OVCH1: variants seen among roughly 807,000 people sequenced by gnomAD.
The protein encoded by OVCH1 is ovochymase-1.
OVCH1 carries 139 observed loss-of-function variants against 138.4 expected under a neutral mutation model. The ratio of observed to expected loss-of-function variants is 1.00; its 90% CI spans 0.87 to 1.16. The LOEUF (loss-of-function observed/expected upper bound fraction) is 1.16. Ranked by LOEUF, OVCH1 falls within the 50% of genes most tolerant of loss-of-function variation. The pLI is 0.00. For missense variants in OVCH1, 1,367 were observed against 1,357.9 expected, an observed-to-expected ratio of 1.01 and a Z score of -0.11; for synonymous variants, 453 against 467.8, an observed-to-expected ratio of 0.97 and a Z score of 0.41.
chr12:29,433,052 T>TA (rs1021410897), intron 27 of OVCH1, among the ~76,000 whole-genome samples: 88 of 152,092 alleles, frequency 5.8e-4, no homozygotes, highest in Non-Finnish European at 7.7e-4. Context: ...GGAGTCTTGC[T>TA]AAAAAAAAGA....
At position 29,487,575 on chromosome 12, in the gene OVCH1, G is replaced by T. The variant is rs796256887; in HGVS notation, c.892+118C>A. On this transcript the variant is annotated intron_variant, in intron 7 of 27. Transcript: ENST00000318184. ...GAGACAAGTATCTACACTGGACTAA[G>T]AATTTAAAACCAGCCTCATTCTTGC... The T allele has an allele frequency of 9.8e-5, 101 of 1,029,924 alleles. No individual in the cohort carries two copies. In the African/African-American group the frequency reaches 1.5e-3, roughly 15 times the overall value. The allele number at this position is 1,029,924 out of a possible 1,614,324, so 63.8% of individuals were successfully genotyped here. A position where few individuals can be genotyped will look rare whatever the true frequency, so the allele number is the denominator to read the frequency against.
chr12:29,494,070 T>C (rs1943346562), intron 4 of OVCH1, among the ~76,000 whole-genome samples: 1 of 152,206 alleles, frequency 6.6e-6, no homozygotes. Flanking sequence ...GGCTCATGAT[T>C]ACAGATTCTT....
intron 25 of OVCH1, among the ~76,000 whole-genome samples, chr12:29,442,959 TTTAAA>T (rs767482772): frequency 2.6e-5 from 4 of 152,056 alleles, no homozygotes; most frequent in South Asian, 2.1e-4. Context: ...AAATAATGAG[TTTAAA>T]TTAAAGTAAC....
intron 3 of OVCH1, among the ~76,000 whole-genome samples, chr12:29,419,411 C>T (rs1447938895): frequency 6.6e-6 from 1 of 151,604 alleles, no homozygotes. Flanking sequence ...CCTCAGCCTC[C>T]CGAGTAGCTG....
chr12:29,486,308 C>A (rs755776403), exon 8 of OVCH1: 2 of 1,613,678 alleles, frequency 1.2e-6, no homozygotes, highest in Non-Finnish European at 1.7e-6. Flanking sequence ...TTGTTATATA[C>A]CTTGAGCCCA....
intron 2 of OVCH1, 128 bp downstream of exon 2, chr12:29,496,428 A>G (rs1207254581): frequency 8.8e-7 from 1 of 1,135,736 alleles, no homozygotes; most frequent in African/African-American, 1.6e-5. Context: ...CTACGAAGTA[A>G]ACTTTTTGGT....
chr12:29,493,381 A>G (rs1182642355), intron 4 of OVCH1, among the ~76,000 whole-genome samples: 3 of 152,064 alleles, frequency 2.0e-5, no homozygotes, highest in African/African-American at 7.2e-5. Flanking sequence ...ATATATAATT[A>G]TTTTTTGTAT....
chr12:29,461,242 C>T (rs544253240), intron 19 of OVCH1, among the ~76,000 whole-genome samples: 24 of 152,258 alleles, frequency 1.6e-4, no homozygotes, highest in African/African-American at 4.6e-4. Flanking sequence ...GGTAGGCACA[C>T]GGAGTGTTAG....
exon 19 of OVCH1, chr12:29,461,901 T>C (rs1439677871): frequency 6.2e-7 from 1 of 1,613,722 alleles, no homozygotes; most frequent in Non-Finnish European, 8.5e-7. Flanking sequence ...GCACAGATCA[T>C]CTTCTCTGTG....
At chr12:29,406,540 G>C in the OVCH1 span, among the ~76,000 whole-genome samples, 9 of 151,966 alleles carry the variant, frequency 5.9e-5, no homozygotes, top group Non-Finnish European at 8.8e-5. Flanking sequence ...CCACCTATGA[G>C]TGAGAATATA....
chr12:29,458,554 A>C (rs1371407037), intron 19 of OVCH1, among the ~76,000 whole-genome samples: 4 of 152,158 alleles, frequency 2.6e-5, no homozygotes, highest in Admixed American at 2.0e-4. Flanking sequence ...AAAAAACAAC[A>C]TTGAGGAAAC....
intron 26 of OVCH1, chr12:29,433,890 A>G (rs772760949): frequency 3.6e-4 from 444 of 1,240,634 alleles, no homozygotes; most frequent in Admixed American, 8.1e-4. Context: ...AAAAAAAAGA[A>G]ACAAAAGGTA....
At chr12:29,462,179 T>C (rs1942159849) in intron 18 of OVCH1, among the ~76,000 whole-genome samples, 171 bp from the exon 19 acceptor site, 1 of 152,230 alleles carries the variant, frequency 6.6e-6, no homozygotes, top group African/African-American at 2.4e-5. Context: ...TCATGTAACA[T>C]GTCTTCATTT....
At chr12:29,436,699 G>T (rs1197412655) in intron 26 of OVCH1, among the ~76,000 whole-genome samples, 1 of 145,112 alleles carries the variant, frequency 6.9e-6, no homozygotes, top group Non-Finnish European at 1.5e-5. Context: ...TGAAGCCGCA[G>T]ACCTTCACAG....
chr12:29,485,662 G>C (rs1943074811), intron 8 of OVCH1, among the ~76,000 whole-genome samples: 1 of 152,028 alleles, frequency 6.6e-6, no homozygotes, highest in Admixed American at 6.6e-5. Context: ...CCTGTACCCA[G>C]CTACTCGGGA....
chr12:29,454,936 G>C lies in OVCH1; in HGVS notation c.2438-3C>G. The C allele has an allele frequency of 6.2e-7, 1 of 1,600,746 alleles. No homozygotes were observed. The highest frequency in any genetic ancestry group is 8.6e-7 in the Non-Finnish European group (1 of 1,169,474). ...ATTTGTCTGAAGTGAAGCAGGACCT[G>C]TATTTGGGGAGAACATGTTAAAAAT... On this transcript the variant is annotated splice_region_variant and splice_polypyrimidine_tract_variant and intron_variant, in intron 20 of 27. Transcript: ENST00000318184.
At chr12:29,468,306 T>C (rs1162303194) in intron 16 of OVCH1, among the ~76,000 whole-genome samples, 1 of 152,166 alleles carries the variant, frequency 6.6e-6, no homozygotes, top group Non-Finnish European at 1.5e-5. Flanking sequence ...TTATAATACA[T>C]ATTTTTAAAG....
chr12:29,462,024 T>G lies in OVCH1; in HGVS notation c.2126-16A>C. ...AGGCCACCATCTAATGAAGAAACAT[T>G]CAGAGAGAGCTCGATGATGAAGTAA... On this transcript the variant is annotated splice_polypyrimidine_tract_variant and intron_variant, in intron 18 of 27. Transcript: ENST00000318184. 1.9e-6 allele frequency: 3 copies of G among 1,607,578 alleles called. No individual in the cohort carries two copies. Among genetic ancestry groups the G allele is most frequent in the Non-Finnish European group, 1.7e-6 (2 of 1,174,960 alleles).
downstream of OVCH1, among the ~76,000 whole-genome samples, chr12:29,412,308 G>A (rs949505891): frequency 1.1e-4 from 17 of 152,134 alleles, no homozygotes; most frequent in East Asian, 1.6e-3. Context: ...GGTGAGCTGC[G>A]CACGGTGAGC....
Sources: allele counts gnomAD v4.1 joint callset (sites outside exome capture counted in the v4.1 genomes callset), GRCh38; gene constraint gnomAD v4.1.1; transcripts MANE v1.5; gene names NCBI Gene and HGNC (gene_info 2026-07-23, HGNC 2026-07-21).